Variants in SPEN observed in about 807,000 individuals in gnomAD.
The protein encoded by SPEN is msx2-interacting protein.
Under a neutral mutation model 269.9 loss-of-function variants are expected in SPEN, and 18 were observed. The observed-to-expected ratio is 0.07, with a 90% CI of 0.05 to 0.10. SPEN has a LOEUF of 0.10. Among genes scored for constraint, SPEN ranks in the 10% least tolerant of loss-of-function variants. The pLI is 1.00. For synonymous variants in SPEN, 1,726 were observed against 1,765.7 expected (o/e 0.98, Z 0.56); for missense variants, 3,822 against 4,631.2 (o/e 0.83, Z 5.07).
Position 15,928,512 on chromosome 1 carries a change from C to T in SPEN, c.2272C>T (p.Arg758Ter), listed in dbSNP as rs72649638. The stretch of plus-strand genomic sequence containing the variant: ...TGATTCTGAGAGGAGGCTTTACAGC[C>T]GATCCTCAGACCGGAGTGGAAGCTG... ...PSDSERRLYS[R>*]SSDRSGSCSS... Residue 758 changes from arginine (R) to a stop codon, truncating the protein, a stop_gained, in exon 11 of 15, where the codon CGA becomes TGA. Coordinates refer to ENST00000375759, the MANE Select transcript of SPEN (RefSeq NM_015001.3). LOFTEE classifies it high-confidence loss of function. This position sits in a 1 kb window ranked among gnomAD's most constrained non-coding sequence, Gnocchi z 5.7. 1 of 1,614,014 alleles carries T rather than the reference C, an allele frequency of 6.2e-7. No individual in the cohort carries two copies. Among genetic ancestry groups the T allele is most frequent in the Non-Finnish European group, 8.5e-7 (1 of 1,180,012 alleles).
intron 13 of SPEN, 25 bp downstream of exon 13, chr1:15,938,031 C>T: frequency 6.4e-7 from 1 of 1,571,738 alleles, no homozygotes; most frequent in African/African-American, 1.4e-5. Context: ...CCCAGGTGAG[C>T]AACTGCCCCA....
chr1:15,855,846 G>C (rs544446006), intron 1 of SPEN, among the ~76,000 whole-genome samples: 1 of 151,000 alleles, frequency 6.6e-6, no homozygotes, highest in South Asian at 2.1e-4. Flanking sequence ...CTGGGTGACA[G>C]AGCAAGACTC....
At chr1:15,863,995 G>A (rs1030443244) in intron 1 of SPEN, among the ~76,000 whole-genome samples, 1 of 152,250 alleles carries the variant, frequency 6.6e-6, no homozygotes, top group Non-Finnish European at 1.5e-5. Flanking sequence ...ATACAGTGGA[G>A]TATTCAGCCT....
intron 4 of SPEN, among the ~76,000 whole-genome samples, chr1:15,910,331 AC>A (rs1204472142): frequency 1.3e-5 from 2 of 151,800 alleles, no homozygotes; most frequent in Admixed American, 6.6e-5. Flanking sequence ...TTAACACAAG[AC>A]CCCCAGATGG....
Position 15,909,401 on chromosome 1 carries a change from A to G in SPEN, c.962A>G (p.Gln321Arg), listed in dbSNP as rs1228348140. The change falls in exon 4 of 15, where the codon CAG (glutamine) becomes CGG (arginine). Residue 321 changes from glutamine to arginine, a missense_variant. Transcript: ENST00000375759. ...QSAAVPAPTS[Q>R]LLSSLEKDEP... ...GCAGCAGTCCCTGCACCCACTTCCCAGTTGCTTTCATCTCTGGAAAAAGAT... is the reference window on the plus strand; with the variant it reads ...GCAGCAGTCCCTGCACCCACTTCCCGGTTGCTTTCATCTCTGGAAAAAGAT... The G allele has an allele frequency of 3.1e-6, 5 of 1,614,008 alleles. No homozygotes were observed. In the Admixed American group the frequency reaches 6.7e-5, roughly 22 times the overall value.
intron 10 of SPEN, among the ~76,000 whole-genome samples, chr1:15,924,338 T>G (rs2071147338): frequency 1.3e-5 from 2 of 152,226 alleles, no homozygotes; most frequent in Non-Finnish European, 2.9e-5. Context: ...TACTTGCACC[T>G]AAAACATACA....
Position 15,935,320 on chromosome 1 carries a change from G to C in SPEN, c.9080G>C (p.Arg3027Pro), listed in dbSNP as rs756121623. 3 of 1,613,850 alleles carry C rather than the reference G, an allele frequency of 1.9e-6. No homozygotes were observed. The highest frequency in any genetic ancestry group is 2.5e-6 in the Non-Finnish European group (3 of 1,180,010). Residue 3027 changes from arginine (R) to proline (P), a missense_variant, in exon 11 of 15, where the codon CGA becomes CCA. This residue lies in a region of SPEN where 94 missense variants were observed against 90.4 expected (regional missense o/e 1.04). Transcript: ENST00000375759. This position sits in a 1 kb window ranked among gnomAD's most constrained non-coding sequence, Gnocchi z 7.7. ...GCAAAGCTAGATGCTCATTCTCCTCGACCAAGTGGACCCGGGCCATCCTCA... is the reference window on the plus strand; with the variant it reads ...GCAAAGCTAGATGCTCATTCTCCTCCACCAAGTGGACCCGGGCCATCCTCA... ...AAAKLDAHSP[R>P]PSGPGPSSFP...
At chr1:15,859,140 G>GTTTTTTTTTTTTTTTT (rs34623941) in intron 1 of SPEN, among the ~76,000 whole-genome samples, 1 of 135,664 alleles carries the variant, frequency 7.4e-6, no homozygotes, top group African/African-American at 2.8e-5. Context: ...TTCTTTTTTA[G>GTTTTTTTTTTTTTTTT]TTTTTTTTTT....
rs757175337 is a variant in SPEN at position 15,928,493 on chromosome 1, T to A, written c.2253T>A (p.Ser751=). Residue 751 remains serine, a synonymous_variant, in exon 11 of 15, where the codon TCT becomes TCA. Coordinates refer to ENST00000375759, the MANE Select transcript of SPEN (RefSeq NM_015001.3). The surrounding 1 kb of genome is among the most constrained non-coding windows in gnomAD (Gnocchi z 5.7). ...PSQAERLPSD[S]ERRLYSRSSD... ...AGGCAGAGAGGTTGCCGAGTGATTC[T>A]GAGAGGAGGCTTTACAGCCGATCCT... 6.2e-7 allele frequency: 1 copy of A among 1,614,150 alleles called. No individual in the cohort carries two copies. The highest frequency in any genetic ancestry group is 8.5e-7 in the Non-Finnish European group (1 of 1,180,026).
chr1:15,856,649 C>T (rs1035412113), intron 1 of SPEN, among the ~76,000 whole-genome samples: 9 of 149,164 alleles, frequency 6.0e-5, no homozygotes, highest in Non-Finnish European at 7.4e-5. Context: ...CTCACTGCAA[C>T]CTCTGCCTCC....
At chr1:15,892,026 T>C (rs2070795048) in intron 3 of SPEN, among the ~76,000 whole-genome samples, 1 of 137,862 alleles carries the variant, frequency 7.3e-6, no homozygotes, top group Non-Finnish European at 1.6e-5. Flanking sequence ...TTTTTTTTTT[T>C]TTTTTTTTTT....
At position 15,847,901 on chromosome 1, in the gene SPEN, G is replaced by A. The variant is rs1303106222; in HGVS notation, c.-167G>A. The A allele has an allele frequency of 1.1e-4, 34 of 307,960 alleles. No homozygotes were observed. Among genetic ancestry groups the A allele is most frequent in the Non-Finnish European group, 3.0e-5 (5 of 165,374 alleles). 19.1% of individuals were successfully genotyped at this position (307,960 alleles called of 1,614,324 possible). A position where few individuals can be genotyped will look rare whatever the true frequency, so the allele number is the denominator to read the frequency against. On this transcript the variant is annotated 5_prime_UTR_variant, in exon 1 of 15. Coordinates refer to ENST00000375759, the MANE Select transcript of SPEN (RefSeq NM_015001.3). Reference sequence around the variant, plus strand: ...CCCGAGAGTCAGAACCTGGGGGAGAGGGATGGTCTCTGCACGGGGGGGAGC... The same window carrying A: ...CCCGAGAGTCAGAACCTGGGGGAGAAGGATGGTCTCTGCACGGGGGGGAGC...
intron 8 of SPEN, among the ~76,000 whole-genome samples, chr1:15,920,108 C>A (rs1411508672): frequency 6.6e-6 from 1 of 151,736 alleles, no homozygotes; most frequent in Non-Finnish European, 1.5e-5. Context: ...CTCACTCTGT[C>A]ACCCAGGCTG....
intron 3 of SPEN, among the ~76,000 whole-genome samples, chr1:15,881,370 A>G (rs1211983521): frequency 6.6e-6 from 1 of 152,220 alleles, no homozygotes; most frequent in Admixed American, 6.5e-5. Context: ...TGACTTATCC[A>G]TAATCTCTGT....
At chr1:15,867,505 C>T (rs192279581) in intron 1 of SPEN, among the ~76,000 whole-genome samples, 240 of 152,176 alleles carry the variant, frequency 1.6e-3, no homozygotes, top group African/African-American at 5.7e-3. Flanking sequence ...GCTCATGCCA[C>T]GTTTTTTATC....
At position 15,848,882 on chromosome 1, in the gene SPEN, C is replaced by T. The variant is rs2070304642; in HGVS notation, c.83+732C>T. Among the ~76,000 whole-genome samples, 1 of 152,102 alleles carries T rather than the reference C, an allele frequency of 6.6e-6. No individual in the cohort carries two copies. Among genetic ancestry groups the T allele is most frequent in the South Asian group, 2.1e-4 (1 of 4,830 alleles). ...TTGCTAGCCCCGGCGCCCGTAGCCT[C>T]GGGTCGCACTCCCAGGCCGCCCTAA... On this transcript the variant is annotated intron_variant, in intron 1 of 14. Transcript: ENST00000375759. The surrounding 1 kb of genome is among the most constrained non-coding windows in gnomAD (Gnocchi z 5.1).
In SPEN at chr1:15,848,951, A is replaced by G. The variant is rs547245596; in HGVS notation, c.83+801A>G. ...CCCTGAATTCCCGAATCAAACGGTA[A>G]AACATTCCAAACCTTTTACGATGAG... On this transcript the variant is annotated intron_variant, in intron 1 of 14. Transcript: ENST00000375759. The surrounding 1 kb of genome is among the most constrained non-coding windows in gnomAD (Gnocchi z 5.1). Among the ~76,000 whole-genome samples the G allele has an allele frequency of 6.6e-6, 1 of 152,250 alleles. No homozygotes were observed. The highest frequency in any genetic ancestry group is 1.9e-4 in the East Asian group (1 of 5,178).
intron 3 of SPEN, among the ~76,000 whole-genome samples, chr1:15,896,930 T>A (rs2070847014): frequency 6.6e-6 from 1 of 152,134 alleles, no homozygotes; most frequent in Non-Finnish European, 1.5e-5. Context: ...AGTGCACCTC[T>A]GCACTCCAGC....
chr1:15,877,283 A>T (rs987615291), intron 3 of SPEN, among the ~76,000 whole-genome samples: 1 of 152,156 alleles, frequency 6.6e-6, no homozygotes. Context: ...ATATATATAT[A>T]TTTTAAAGAC....
Sources: gnomAD v4.1 joint callset for allele counts (sites outside exome capture counted in the v4.1 genomes callset) on GRCh38, gnomAD v4.1.1 for gene constraint, gnomAD v4.1.1 regional missense constraint, Gnocchi (gnomAD v3.1) non-coding constraint, MANE v1.5 for transcripts, NCBI Gene and HGNC (gene_info 2026-07-23, HGNC 2026-07-21) for gene names.